Variants in HDAC2 observed in about 807,000 individuals in gnomAD.
The protein encoded by HDAC2 is histone deacetylase 2, also known as YY1-associated factor 1.
In HDAC2, 5 loss-of-function variants were observed where a neutral mutation model predicts 68.5. The ratio of observed to expected loss-of-function variants is 0.07; its 90% confidence interval spans 0.04 to 0.15. HDAC2 has a LOEUF of 0.15. Among genes scored for constraint, HDAC2 ranks in the 10% least tolerant of loss-of-function variants. The pLI is 1.00. For missense variants in HDAC2, 291 were observed against 600.8 expected, an observed-to-expected ratio of 0.48 and a Z score of 5.39; for synonymous variants, 182 against 191.3, an observed-to-expected ratio of 0.95 and a Z score of 0.40.
rs2114582735 is a variant in HDAC2, at chr6:113,939,188, T to C, written c.*1870A>G. ...TAGGTGACTCTACCACAGCCCCTGT[T>C]GTCCTGTGAGCTGCAGGCACTGGGA... is the stretch of plus-strand genomic sequence containing the variant. On this transcript the variant is annotated 3_prime_UTR_variant, in exon 14 of 14. Transcript: ENST00000519065. 1 of 152,546 alleles carries C rather than the reference T, an allele frequency of 6.6e-6. No individual in the cohort carries two copies. The highest frequency in any genetic ancestry group is 2.4e-5 in the African/African-American group (1 of 41,572). 9.4% of individuals were successfully genotyped at this position (152,546 alleles called of 1,614,324 possible).
intron 1 of HDAC2, among the ~76,000 whole-genome samples, chr6:113,962,791 G>A (rs1342486035): frequency 6.6e-6 from 1 of 151,128 alleles, no homozygotes; most frequent in Non-Finnish European, 1.5e-5. Context: ...GTGAAACCCC[G>A]TCTCTACTAA....
At position 113,935,576 on chromosome 6, in the gene HDAC2, G is replaced by A. The variant is rs1775984025; in HGVS notation, c.*5482C>T. The A allele has an allele frequency of 2.0e-5, 3 of 152,156 alleles. No individual in the cohort carries two copies. The highest frequency in any genetic ancestry group is 2.9e-5 in the Non-Finnish European group (2 of 68,022). 9.4% of individuals were successfully genotyped at this position (152,156 alleles called of 1,614,324 possible). A position where few individuals can be genotyped will look rare whatever the true frequency, so the allele number is the denominator to read the frequency against. On this transcript the variant is annotated 3_prime_UTR_variant, in exon 14 of 14. Transcript: ENST00000519065. ...ATCCACAACACAAAAACAGATTAGA[G>A]TCTTCTTTGTTCAACTCACTCCTAA...
At chr6:113,945,547 AG>A (rs1390930775) in intron 9 of HDAC2, 77 bp from the exon 10 acceptor site, 1 of 762,832 alleles carries the variant, frequency 1.3e-6, no homozygotes, top group African/African-American at 1.8e-5. Context: ...ATCCAGATTT[AG>A]GTGGTGAAAT....
At chr6:113,970,498 T>G (rs1478548100) in intron 1 of HDAC2, 7 of 1,134,948 alleles carry the variant, frequency 6.2e-6, no homozygotes, top group African/African-American at 1.6e-5. Flanking sequence ...CCACGAATGG[T>G]GGGCGGGAGA....
intron 1 of HDAC2, 123 bp downstream of exon 1, chr6:113,970,734 T>G (rs113501104): frequency 2.8e-6 from 4 of 1,414,888 alleles, no homozygotes; most frequent in Non-Finnish European, 3.7e-6. Flanking sequence ...CGGGTTAAGA[T>G]GCGGCCAAAT....
chr6:113,970,248 C>G (rs913797822), intron 1 of HDAC2: 1 of 162,460 alleles, frequency 6.2e-6, no homozygotes, highest in Non-Finnish European at 1.3e-5. Context: ...TACTCTCCAG[C>G]GCCCACCGGG....
Position 113,941,213 on chromosome 6 carries a change from G to T in HDAC2, c.1437-125C>A, listed in dbSNP as rs1562139315. 10 of 620,324 alleles carry T rather than the reference G, an allele frequency of 1.6e-5. No homozygotes were observed. The East Asian group carries it at 2.9e-4, about 18-fold the overall frequency. The allele number at this position is 620,324 out of a possible 1,614,324, so 38.4% of individuals were successfully genotyped here. On this transcript the variant is annotated intron_variant, in intron 13 of 13. Transcript: ENST00000519065. ...AACACATTAATTGATAATGTCTTAA[G>T]TGTTTCTGGAGTAATTAATGCCTTA...
intron 6 of HDAC2, 139 bp downstream of exon 6, chr6:113,953,138 G>T: frequency 1.7e-6 from 1 of 591,154 alleles, no homozygotes; most frequent in South Asian, 3.2e-5. Flanking sequence ...TCTAGCAAAT[G>T]TTACTGCATA....
chr6:113,957,681 T>C (rs557640149), intron 3 of HDAC2, among the ~76,000 whole-genome samples: 1 of 152,058 alleles, frequency 6.6e-6, no homozygotes, highest in East Asian at 1.9e-4. Flanking sequence ...AGAGACAGGG[T>C]TTTGCCATGT....
In HDAC2 at chr6:113,946,039, A is replaced by C. The variant is rs1776256845; in HGVS notation, c.951T>G (p.Thr317=). Residue 317 remains threonine, a synonymous_variant, in exon 9 of 14, where the codon ACT becomes ACG. Transcript: ENST00000519065. The stretch of plus-strand genomic sequence containing the variant: ...GAATCTCACAATCAAGGGCAACTGC[A>C]GTCTCATATGTCCAACATCGAGCAA... ...RNVARCWTYE[T]AVALDCEIPN... is the part of the protein sequence containing the mutation. The C allele has an allele frequency of 3.7e-6, 6 of 1,612,958 alleles. No individual in the cohort carries two copies. The highest frequency in any genetic ancestry group is 1.1e-5 in the South Asian group (1 of 91,066).
At chr6:113,960,767 C>A (rs1229034617) in intron 1 of HDAC2, among the ~76,000 whole-genome samples, 1 of 151,916 alleles carries the variant, frequency 6.6e-6, no homozygotes, top group African/African-American at 2.4e-5. Flanking sequence ...CCAGTGTTTC[C>A]TATAATAGTA....
rs1776979852 is a variant in HDAC2, at chr6:113,970,778, G to A, written c.52+79C>T. On this transcript the variant is annotated intron_variant, in intron 1 of 13. Transcript: ENST00000519065. ...CTCCTCCTTCCCACCCCTCAGCCCC[G>A]GCGCCCACTCGCGACGGCAGCCGCG... The A allele has an allele frequency of 4.9e-6, 7 of 1,438,468 alleles. No individual in the cohort carries two copies. The East Asian group carries it at 7.9e-5, about 16-fold the overall frequency. 89.1% of individuals were successfully genotyped at this position (1,438,468 alleles called of 1,614,324 possible).
chr6:113,958,220 C>T (rs1776601302), intron 3 of HDAC2, among the ~76,000 whole-genome samples: 1 of 152,202 alleles, frequency 6.6e-6, no homozygotes, highest in Admixed American at 6.5e-5. Flanking sequence ...AAAAGCTTCA[C>T]TAATATCTTA....
rs1367021122 is a variant in HDAC2, at chr6:113,933,095, C to A, written c.*7963G>T. On this transcript the variant is annotated 3_prime_UTR_variant, in exon 14 of 14. Coordinates refer to ENST00000519065, the MANE Select transcript of HDAC2 (RefSeq NM_001527.4). ...ATTTACATTATCTCAAAGCCAGTAT[C>A]CTTGGGGGAAATTATACGTAATTGC... The A allele has an allele frequency of 1.3e-5, 2 of 152,146 alleles. No homozygotes were observed. Among genetic ancestry groups the A allele is most frequent in the Non-Finnish European group, 2.9e-5 (2 of 68,020 alleles). 9.4% of individuals were successfully genotyped at this position (152,146 alleles called of 1,614,324 possible).
chr6:113,964,952 G>A (rs1195693057), intron 1 of HDAC2, among the ~76,000 whole-genome samples: 1 of 152,110 alleles, frequency 6.6e-6, no homozygotes, highest in South Asian at 2.1e-4. Flanking sequence ...ATTGGTTTGA[G>A]GCCCAAATCT....
chr6:113,964,069 C>CA (rs1175332147), intron 1 of HDAC2, among the ~76,000 whole-genome samples: 2 of 151,840 alleles, frequency 1.3e-5, no homozygotes, highest in Non-Finnish European at 2.9e-5. Context: ...ATTTCTACAG[C>CA]AAAAAAGTGT....
At position 113,939,760 on chromosome 6, in the gene HDAC2, C is replaced by T. The variant is rs1582473672; in HGVS notation, c.*1298G>A. ...TCGGTGTATTTTAAGAAAAAAACAC[C>T]GAAGCAAATATAGCAAAAGTAAAAT... On this transcript the variant is annotated 3_prime_UTR_variant, in exon 14 of 14. Transcript: ENST00000519065. 2 of 151,920 alleles carry T rather than the reference C, an allele frequency of 1.3e-5. No homozygotes were observed. Among genetic ancestry groups the T allele is most frequent in the African/African-American group, 4.8e-5 (2 of 41,362 alleles). The allele number at this position is 151,920 out of a possible 1,614,324, so 9.4% of individuals were successfully genotyped here.
At chr6:113,959,705 T>C (rs1267324267) in intron 2 of HDAC2, 71 of 353,510 alleles carry the variant, frequency 2.0e-4, no homozygotes, top group Non-Finnish European at 3.3e-4. Flanking sequence ...CTTTTTTAAA[T>C]GGTTAAAGGA....
chr6:113,968,956 G>GTGGTA (rs1356069367), intron 1 of HDAC2, among the ~76,000 whole-genome samples: 3 of 152,150 alleles, frequency 2.0e-5, no homozygotes, highest in African/African-American at 7.2e-5. Flanking sequence ...CCAACTGACA[G>GTGGTA]CTTCGAGAAG....
Sources: gnomAD v4.1 joint callset for allele counts (sites outside exome capture counted in the v4.1 genomes callset) on GRCh38, gnomAD v4.1.1 for gene constraint, MANE v1.5 for transcripts, NCBI Gene and HGNC (gene_info 2026-07-23, HGNC 2026-07-21) for gene names.